Variants in SDK1 observed in about 807,000 individuals in gnomAD.
The protein encoded by SDK1 is protein sidekick-1.
A neutral mutation model predicts 245.5 loss-of-function variants in SDK1; 157 were observed. The observed-to-expected ratio is 0.64, with a 90% confidence interval of 0.56 to 0.73. The LOEUF is 0.73. Among genes scored for constraint, SDK1 ranks in the 30% least tolerant of loss-of-function variants. The pLI is 0.00. For missense variants in SDK1, 3,583 were observed against 3,002.3 expected (o/e 1.19, Z -4.52); for synonymous variants, 1,647 against 1,278.5 (o/e 1.29, Z -6.15).
At chr7:3,305,768 T>C (rs1022903693) in intron 1 of SDK1, among the ~76,000 whole-genome samples, 58 of 152,090 alleles carry the variant, frequency 3.8e-4, no homozygotes, top group African/African-American at 1.3e-3. Flanking sequence ...GTCTTCCAAA[T>C]CCAACAATAA....
intron 1 of SDK1, among the ~76,000 whole-genome samples, chr7:3,502,803 G>T (rs1374920114): frequency 6.6e-6 from 1 of 152,164 alleles, no homozygotes; most frequent in Non-Finnish European, 1.5e-5. Context: ...TGAGAGGGCT[G>T]TTTTTTAGAA....
At chr7:3,511,906 A>G (rs564613013) in intron 1 of SDK1, among the ~76,000 whole-genome samples, 2 of 149,126 alleles carry the variant, frequency 1.3e-5, no homozygotes, top group East Asian at 2.0e-4. Context: ...AGCCTCCTCC[A>G]TGATCACCAT....
intron 5 of SDK1, among the ~76,000 whole-genome samples, chr7:3,948,716 C>G (rs553141383): frequency 6.6e-6 from 1 of 152,220 alleles, no homozygotes; most frequent in Non-Finnish European, 1.5e-5. Flanking sequence ...CATCTGTCCA[C>G]AGCACAGCCC....
chr7:3,548,674 A>C (rs1486842209), intron 1 of SDK1, among the ~76,000 whole-genome samples: 1 of 152,208 alleles, frequency 6.6e-6, no homozygotes, highest in Non-Finnish European at 1.5e-5. Flanking sequence ...AGGCTGTGCT[A>C]AATTAGTGAC....
chr7:3,345,443 C>G (rs1186033260), intron 1 of SDK1, among the ~76,000 whole-genome samples: 1 of 152,254 alleles, frequency 6.6e-6, no homozygotes, highest in East Asian at 1.9e-4. Flanking sequence ...TACGTAAAAT[C>G]CTACTCAGTG....
At chr7:3,479,449 A>G (rs1256885093) in intron 1 of SDK1, among the ~76,000 whole-genome samples, 1 of 148,014 alleles carries the variant, frequency 6.8e-6, no homozygotes, top group Non-Finnish European at 1.5e-5. Flanking sequence ...AAAAAAGAAT[A>G]TCTATTGTCC....
At chr7:3,938,153 T>A (rs1027426215) in intron 5 of SDK1, among the ~76,000 whole-genome samples, 1 of 152,204 alleles carries the variant, frequency 6.6e-6, no homozygotes, top group Admixed American at 6.5e-5. Flanking sequence ...CCATTTCTTA[T>A]CACAGCTAAA....
intron 41 of SDK1, among the ~76,000 whole-genome samples, chr7:4,234,782 C>T (rs962424818): frequency 2.6e-5 from 4 of 152,204 alleles, no homozygotes; most frequent in Non-Finnish European, 5.9e-5. Context: ...CGGCTGCAAG[C>T]CAGGGCGCTG....
intron 5 of SDK1, among the ~76,000 whole-genome samples, chr7:3,840,908 A>C (rs1325043268): frequency 6.6e-6 from 1 of 152,172 alleles, no homozygotes; most frequent in Non-Finnish European, 1.5e-5. Context: ...CTAAAATTTG[A>C]GAAGGACCAC....
At chr7:3,972,753 G>A (rs1004798518) in intron 12 of SDK1, among the ~76,000 whole-genome samples, 3 of 152,186 alleles carry the variant, frequency 2.0e-5, no homozygotes, top group African/African-American at 4.8e-5. Context: ...CTGTTCTCTC[G>A]CGCTTCTTGA....
chr7:4,241,990 G>A, intron 43 of SDK1, 77 bp downstream of exon 43: 10 of 1,532,092 alleles, frequency 6.5e-6, no homozygotes, highest in Non-Finnish European at 8.9e-6. Context: ...ACGCCCACTG[G>A]CACCTCCTGC....
At chr7:3,701,705 A>C (rs1357066833) in intron 4 of SDK1, among the ~76,000 whole-genome samples, 1 of 152,138 alleles carries the variant, frequency 6.6e-6, no homozygotes, top group East Asian at 1.9e-4. Context: ...ACAAAGGATC[A>C]CTCTATTCAA....
intron 4 of SDK1, among the ~76,000 whole-genome samples, chr7:3,682,098 A>G (rs1784117099): frequency 6.6e-6 from 1 of 152,238 alleles, no homozygotes; most frequent in Admixed American, 6.5e-5. Flanking sequence ...TGCCTGTCAG[A>G]CGACCAGTGA....
chr7:4,154,869 G>T (rs1437950071), intron 30 of SDK1, among the ~76,000 whole-genome samples: 1 of 152,074 alleles, frequency 6.6e-6, no homozygotes. Context: ...TTACAGGAGG[G>T]TGTTCTTGCA....
intron 41 of SDK1, among the ~76,000 whole-genome samples, chr7:4,234,764 G>T (rs585834): frequency 0.36 from 54,862 of 152,100 alleles, 11,010 homozygotes; most frequent in East Asian, 0.62. Context: ...TGATTCTATC[G>T]TGCAGACCGG....
At chr7:3,531,766 A>C (rs1783354553) in intron 1 of SDK1, among the ~76,000 whole-genome samples, 1 of 152,212 alleles carries the variant, frequency 6.6e-6, no homozygotes, top group African/African-American at 2.4e-5. Flanking sequence ...TTGGGTTACT[A>C]TTTATGATGC....
At chr7:3,395,263 A>G (rs560592717) in intron 1 of SDK1, among the ~76,000 whole-genome samples, 11 of 151,902 alleles carry the variant, frequency 7.2e-5, no homozygotes, top group Non-Finnish European at 1.2e-4. Context: ...TATTAATATG[A>G]TGCATTACTT....
intron 1 of SDK1, among the ~76,000 whole-genome samples, chr7:3,310,504 G>GT (rs1779524979): frequency 6.6e-6 from 1 of 152,174 alleles, no homozygotes; most frequent in African/African-American, 2.4e-5. Context: ...TTGGTCATGG[G>GT]TTGGGTATGG....
chr7:3,588,748 A>G (rs992503034), intron 1 of SDK1, among the ~76,000 whole-genome samples: 17 of 152,244 alleles, frequency 1.1e-4, no homozygotes, highest in Non-Finnish European at 5.9e-5. Flanking sequence ...TATCAGTTCT[A>G]GAATAAAATA....
Sources: gnomAD v4.1 joint callset for allele counts (sites outside exome capture counted in the v4.1 genomes callset) on GRCh38, gnomAD v4.1.1 for gene constraint, MANE v1.5 for transcripts, NCBI Gene and HGNC (gene_info 2026-07-23, HGNC 2026-07-21) for gene names.